Variants in KATNAL1 observed in about 807,000 individuals in gnomAD.
The protein encoded by KATNAL1 is katanin catalytic subunit A1 like 1, also known as katanin p60 ATPase-containing subunit A-like 1.
In KATNAL1, 32 loss-of-function variants were observed where a neutral mutation model predicts 55.2. That is an observed-to-expected ratio of 0.58 (90% confidence interval 0.44 to 0.78). The LOEUF is 0.78. KATNAL1 is among the 30% of genes least tolerant of loss of function. The probability of loss-of-function intolerance (pLI) is 0.00; values close to 1 mark genes in which losing one functional copy is unlikely to be tolerated. For synonymous variants in KATNAL1, 193 were observed against 193.6 expected (o/e 1.00, Z 0.02); for missense variants, 466 against 600.9 (o/e 0.78, Z 2.35).
intron 6 of KATNAL1, among the ~76,000 whole-genome samples, chr13:30,237,114 A>C (rs939665195): frequency 6.6e-6 from 1 of 152,174 alleles, no homozygotes; most frequent in Non-Finnish European, 1.5e-5. Flanking sequence ...CCTCCATTAA[A>C]TACATGCTTA....
chr13:30,228,537 C>T (rs1450229036), intron 8 of KATNAL1, among the ~76,000 whole-genome samples: 1 of 152,214 alleles, frequency 6.6e-6, no homozygotes, highest in African/African-American at 2.4e-5. Flanking sequence ...TCAGTGATTT[C>T]CTTTTCCAAT....
Position 30,231,658 on chromosome 13 carries a change from A to C in KATNAL1, c.727-186T>G, listed in dbSNP as rs906728091. 2.0e-5 allele frequency among the ~76,000 whole-genome samples: 3 copies of C among 152,220 alleles called. No homozygotes were observed. The East Asian group carries it at 5.8e-4, about 29-fold the overall frequency. Reference sequence around the variant, plus strand: ...GCTAGAAAAAATGAAGAAATTTCACAAAATGTCTCAAGCCAGAGGTAGTCA... The same window carrying C: ...GCTAGAAAAAATGAAGAAATTTCACCAAATGTCTCAAGCCAGAGGTAGTCA... On this transcript the variant is annotated intron_variant, in intron 6 of 10. Coordinates refer to ENST00000380615, the MANE Select transcript of KATNAL1 (RefSeq NM_032116.5).
chr13:30,291,748 A>T (rs1882146575), intron 1 of KATNAL1, among the ~76,000 whole-genome samples: 1 of 152,174 alleles, frequency 6.6e-6, no homozygotes, highest in Non-Finnish European at 1.5e-5. Flanking sequence ...AAGTTACAGT[A>T]ATCATGGCCG....
In KATNAL1 at chr13:30,255,452, C is replaced by A; in HGVS notation, c.487G>T (p.Asp163Tyr). Residue 163 changes from aspartate (D) to tyrosine (Y), a missense_variant, in exon 4 of 11, where the codon GAC (aspartate) becomes TAC (tyrosine). Around this residue, in one of 3 missense-constraint regions of KATNAL1, gnomAD observed 248 missense variants for 275.5 expected, o/e 0.90. Coordinates refer to ENST00000380615, the MANE Select transcript of KATNAL1 (RefSeq NM_032116.5). ...DKDYRARGRDDKGRKNMQDGA... is the reference protein window; with the variant it reads ...DKDYRARGRDYKGRKNMQDGA... ...ACAGAAAGACAGCATCTTGCCTTGT[C>A]ATCTCTCCCTCTTGCTCTATAGTCC... The A allele has an allele frequency of 6.6e-7, 1 of 1,525,516 alleles. No homozygotes were observed. The highest frequency in any genetic ancestry group is 1.3e-5 in the South Asian group (1 of 76,810). 94.5% of individuals were successfully genotyped at this position (1,525,516 alleles called of 1,614,324 possible).
chr13:30,295,355 G>A (rs1017324166), intron 1 of KATNAL1, among the ~76,000 whole-genome samples: 1 of 152,190 alleles, frequency 6.6e-6, no homozygotes, highest in African/African-American at 2.4e-5. Context: ...GGATGACTCT[G>A]AGGGTTTCAA....
chr13:30,252,607 C>T lies in KATNAL1; in HGVS notation c.492+2840G>A, dbSNP rs546883802. On this transcript the variant is annotated intron_variant, in intron 4 of 10. Coordinates refer to ENST00000380615, the MANE Select transcript of KATNAL1 (RefSeq NM_032116.5). ...TAATACTGTACTTATGGGCAATAAA[C>T]TGAGTTTTCTGTTCTACTCTGCTTC... 2.6e-5 allele frequency among the ~76,000 whole-genome samples: 4 copies of T among 152,258 alleles called. No individual in the cohort carries two copies. The South Asian group carries it at 8.3e-4, about 32-fold the overall frequency.
intron 9 of KATNAL1, among the ~76,000 whole-genome samples, chr13:30,217,330 T>C (rs1240679552): frequency 3.3e-5 from 5 of 152,040 alleles, no homozygotes; most frequent in African/African-American, 4.8e-5. Flanking sequence ...GGCGGACAAC[T>C]GTAATCCCAG....
chr13:30,216,570 C>G (rs1004911061), intron 9 of KATNAL1, among the ~76,000 whole-genome samples: 2 of 152,206 alleles, frequency 1.3e-5, no homozygotes, highest in Non-Finnish European at 2.9e-5. Flanking sequence ...CTCCACAGTT[C>G]CCTAATCCCA....
intron 1 of KATNAL1, among the ~76,000 whole-genome samples, chr13:30,295,393 T>C (rs981956822): frequency 6.6e-6 from 1 of 152,120 alleles, no homozygotes; most frequent in African/African-American, 2.4e-5. Context: ...TCACTGCAGA[T>C]GTGGTAGAAA....
Position 30,205,091 on chromosome 13 carries a change from A to G in KATNAL1, c.*3449T>C, listed in dbSNP as rs1177937185. ...AAATTGTTCATTAAAATAGATCCATAATAGTTACACATTATTCAAATAAAT... is the reference window on the plus strand; with the variant it reads ...AAATTGTTCATTAAAATAGATCCATGATAGTTACACATTATTCAAATAAAT... On this transcript the variant is annotated 3_prime_UTR_variant, in exon 11 of 11. Transcript: ENST00000380615. 1 of 152,258 alleles carries G rather than the reference A, an allele frequency of 6.6e-6. No homozygotes were observed. Among genetic ancestry groups the G allele is most frequent in the Non-Finnish European group, 1.5e-5 (1 of 68,042 alleles). 9.4% of individuals were successfully genotyped at this position (152,258 alleles called of 1,614,324 possible).
intron 3 of KATNAL1, among the ~76,000 whole-genome samples, chr13:30,269,588 G>A (rs1158014784): frequency 1.7e-3 from 256 of 147,578 alleles, no homozygotes; most frequent in African/African-American, 6.3e-3. Flanking sequence ...AAAGTGAGGA[G>A]CGTCTCTGCC....
chr13:30,265,935 C>T (rs1019119565), intron 3 of KATNAL1, among the ~76,000 whole-genome samples: 1 of 149,702 alleles, frequency 6.7e-6, no homozygotes, highest in African/African-American at 2.5e-5. Flanking sequence ...TTGCTTGAAC[C>T]CAGGAGGTGG....
intron 1 of KATNAL1, among the ~76,000 whole-genome samples, chr13:30,297,511 C>T (rs927769535): frequency 5.3e-5 from 8 of 152,208 alleles, no homozygotes; most frequent in South Asian, 4.1e-4. Context: ...AGTCCCATTA[C>T]TGGGTATATA....
Position 30,240,340 on chromosome 13 carries a change from C to CAT in KATNAL1, c.726+118_726+119dup, listed in dbSNP as rs1446890226. The CAT allele has an allele frequency of 4.6e-6, 3 of 657,970 alleles. No individual in the cohort carries two copies. In the African/African-American group the frequency reaches 5.4e-5, roughly 12 times the overall value. The allele number at this position is 657,970 out of a possible 1,614,324, so 40.8% of individuals were successfully genotyped here. A position where few individuals can be genotyped will look rare whatever the true frequency, so the allele number is the denominator to read the frequency against. On this transcript the variant is annotated intron_variant, in intron 6 of 10. Transcript: ENST00000380615. ...TTCAAATCCAGGTGTTTTGGGTGTA[C>CAT]ATAAACTTCTCCCAACCTTTTCAAA...
Position 30,245,911 on chromosome 13 carries a change from TG to T in KATNAL1, c.493-4826del, listed in dbSNP as rs150927999. ...GGATACAAGAGAGGACGCAAACTAA[TG>T]GAAAAACATTCCATGCTCATGGATA... On this transcript the variant is annotated intron_variant, in intron 4 of 10. Transcript: ENST00000380615. Among the ~76,000 whole-genome samples the T allele has an allele frequency of 3.1e-3, 469 of 152,302 alleles. 1 individual carries two copies. Among genetic ancestry groups the T allele is most frequent in the African/African-American group, 0.011 (447 of 41,566 alleles).
intron 6 of KATNAL1, among the ~76,000 whole-genome samples, chr13:30,239,749 G>A (rs996835451): frequency 2.1e-5 from 3 of 145,182 alleles, no homozygotes; most frequent in South Asian, 4.5e-4. Flanking sequence ...GCAGTTGCGC[G>A]ATCTTGGCTC....
chr13:30,246,404 T>G (rs1877799163), intron 4 of KATNAL1, among the ~76,000 whole-genome samples: 1 of 152,182 alleles, frequency 6.6e-6, no homozygotes, highest in Non-Finnish European at 1.5e-5. Context: ...CAAGATGGAT[T>G]TAAGACTTAA....
At chr13:30,228,481 T>C (rs1004888954) in intron 8 of KATNAL1, among the ~76,000 whole-genome samples, 2 of 152,208 alleles carry the variant, frequency 1.3e-5, no homozygotes, top group Admixed American at 1.3e-4. Flanking sequence ...TAATCAACAA[T>C]AGTCACAAAT....
At chr13:30,302,253 T>C (rs1297828381) in intron 1 of KATNAL1, among the ~76,000 whole-genome samples, 1 of 152,192 alleles carries the variant, frequency 6.6e-6, no homozygotes, top group Non-Finnish European at 1.5e-5. Flanking sequence ...AACTAATTAG[T>C]AAGCACCTAC....
Sources: gnomAD v4.1 joint callset for allele counts (sites outside exome capture counted in the v4.1 genomes callset) on GRCh38, gnomAD v4.1.1 for gene constraint, gnomAD v4.1.1 regional missense constraint, MANE v1.5 for transcripts, NCBI Gene and HGNC (gene_info 2026-07-23, HGNC 2026-07-21) for gene names.